KBTBD11: variants seen among roughly 807,000 people sequenced by gnomAD.
KBTBD11 encodes kelch repeat and BTB domain-containing protein 11.
For missense variants in KBTBD11, 1,390 were observed against 1,001.8 expected (o/e 1.39, Z -5.23); for synonymous variants, 747 against 499.0 (o/e 1.50, Z -6.63).
chr8:1,989,036 A>G (rs1816789733), intron 1 of KBTBD11, among the ~76,000 whole-genome samples: 1 of 152,206 alleles, frequency 6.6e-6, no homozygotes, highest in Non-Finnish European at 1.5e-5. Flanking sequence ...AAAAGAGTCA[A>G]GTTGACCCAA....
chr8:1,999,346 C>T (rs1049656564), intron 1 of KBTBD11, among the ~76,000 whole-genome samples: 1 of 152,136 alleles, frequency 6.6e-6, no homozygotes, highest in African/African-American at 2.4e-5. Flanking sequence ...TATCATTTTA[C>T]CCATCTCACT....
In KBTBD11 at chr8:2,006,470, T is replaced by C. The variant is rs561456495; in HGVS notation, c.*3406T>C. 1.2e-4 allele frequency: 20 copies of C among 167,092 alleles called. No individual in the cohort carries two copies. Among genetic ancestry groups the C allele is most frequent in the Admixed American group, 3.9e-4 (6 of 15,314 alleles). 10.4% of individuals were successfully genotyped at this position (167,092 alleles called of 1,614,324 possible). ...CTTTCTGATATTTCCCCTTCTGCAA[T>C]GTTATTGTTCATAAGAAAACACGAG... On this transcript the variant is annotated 3_prime_UTR_variant, in exon 2 of 2. Transcript: ENST00000320248.
At position 2,001,889 on chromosome 8, in the gene KBTBD11, C is replaced by G. The variant is rs761729405; in HGVS notation, c.697C>G (p.Leu233Val). Reference sequence around the variant, plus strand: ...CGACGCCGTGGGGCCGCAGCTGAGCCTGGCCAACTGCTACGAGGTCCTGAG... The same window carrying G: ...CGACGCCGTGGGGCCGCAGCTGAGCGTGGCCAACTGCTACGAGGTCCTGAG... ...ATDAVGPQLS[L>V]ANCYEVLSAA... The change falls in exon 2 of 2, where the codon CTG becomes GTG. Residue 233 changes from leucine to valine, a missense_variant. Coordinates refer to ENST00000320248, the MANE Select transcript of KBTBD11 (RefSeq NM_014867.3). 6 of 1,402,100 alleles carry G rather than the reference C, an allele frequency of 4.3e-6. No individual in the cohort carries two copies. Among genetic ancestry groups the G allele is most frequent in the Non-Finnish European group, 5.6e-6 (6 of 1,068,452 alleles). 86.9% of individuals were successfully genotyped at this position (1,402,100 alleles called of 1,614,324 possible).
At position 2,003,230 on chromosome 8, in the gene KBTBD11, C is replaced by G; in HGVS notation, c.*166C>G. On this transcript the variant is annotated 3_prime_UTR_variant, in exon 2 of 2. Transcript: ENST00000320248. ...CGCTCTCAGGGCCGCTTTCGCTTTG[C>G]TTTCCTTTTGCTTGTCTTTGCTTCT... 8.9e-7 allele frequency: 1 copy of G among 1,124,520 alleles called. No individual in the cohort carries two copies. Among genetic ancestry groups the G allele is most frequent in the Middle Eastern group, 3.4e-4 (1 of 2,956 alleles). The allele number at this position is 1,124,520 out of a possible 1,614,324, so 69.7% of individuals were successfully genotyped here.
At position 2,001,367 on chromosome 8, in the gene KBTBD11, GA is replaced by G. The variant is rs1161647365; in HGVS notation, c.177del (p.Gly60AlafsTer120). 6.8e-7 allele frequency: 1 copy of G among 1,474,840 alleles called. No homozygotes were observed. Among genetic ancestry groups the G allele is most frequent in the Admixed American group, 2.3e-5 (1 of 44,286 alleles). The allele number at this position is 1,474,840 out of a possible 1,614,324, so 91.4% of individuals were successfully genotyped here. A position where few individuals can be genotyped will look rare whatever the true frequency, so the allele number is the denominator to read the frequency against. On this transcript the variant is annotated frameshift_variant, in exon 2 of 2. Coordinates refer to ENST00000320248, the MANE Select transcript of KBTBD11 (RefSeq NM_014867.3). LOFTEE classifies it low-confidence loss of function (END_TRUNC). ...GCCGCAGTCCCTCGCCTCAGCGGCG[GA>G]AGGCGCGGCCACCTCCCCGCCCTCC... ...SPPQSLASAAEGAATSPPSSG... is the reference protein window; with the variant it reads ...SPPQSLASAAXGAATSPPSSG...
chr8:2,003,619 A>C lies in KBTBD11; in HGVS notation c.*555A>C, dbSNP rs1817482823. 1 of 167,056 alleles carries C rather than the reference A, an allele frequency of 6.0e-6. No homozygotes were observed. The highest frequency in any genetic ancestry group is 2.4e-5 in the African/African-American group (1 of 41,454). 10.3% of individuals were successfully genotyped at this position (167,056 alleles called of 1,614,324 possible). A position where few individuals can be genotyped will look rare whatever the true frequency, so the allele number is the denominator to read the frequency against. On this transcript the variant is annotated 3_prime_UTR_variant, in exon 2 of 2. Coordinates refer to ENST00000320248, the MANE Select transcript of KBTBD11 (RefSeq NM_014867.3). ...CAACTCCAAAAAGAGTAATTTAATA[A>C]GCATTAAAGGTAAAATCTTTGATTA...
At chr8:1,973,999 C>CGCGGGTCGGAGGGGGCG in intron 1 of KBTBD11, 64 bp downstream of exon 1, 1 of 705,780 alleles carries the variant, frequency 1.4e-6, no homozygotes, top group African/African-American at 2.1e-5. Context: ...CAGCCCGAGG[C>CGCGGGTCGGAGGGGGCG]GCGGGTCGGA....
Position 2,006,419 on chromosome 8 carries a change from C to A in KBTBD11, c.*3355C>A, listed in dbSNP as rs1485395882. On this transcript the variant is annotated 3_prime_UTR_variant, in exon 2 of 2. Coordinates refer to ENST00000320248, the MANE Select transcript of KBTBD11 (RefSeq NM_014867.3). Reference sequence around the variant, plus strand: ...ATGCTTTCCTAGCTTACAAAAAGTTCTGTTTTTGGGTTAAAAATCAATCAA... The same window carrying A: ...ATGCTTTCCTAGCTTACAAAAAGTTATGTTTTTGGGTTAAAAATCAATCAA... 6.0e-6 allele frequency: 1 copy of A among 166,914 alleles called. No homozygotes were observed. The highest frequency in any genetic ancestry group is 2.4e-5 in the African/African-American group (1 of 41,462). 10.3% of individuals were successfully genotyped at this position (166,914 alleles called of 1,614,324 possible). A position where few individuals can be genotyped will look rare whatever the true frequency, so the allele number is the denominator to read the frequency against.
At chr8:1,977,082 GT>G (rs35601452) in intron 1 of KBTBD11, among the ~76,000 whole-genome samples, 14,957 of 145,282 alleles carry the variant, frequency 0.1, 1,082 homozygotes, top group African/African-American at 0.21. Context: ...AACATTATGA[GT>G]TTTTTTTTTT....
At chr8:1,981,839 A>T (rs907762630) in intron 1 of KBTBD11, among the ~76,000 whole-genome samples, 1 of 152,068 alleles carries the variant, frequency 6.6e-6, no homozygotes. Context: ...GGACTGAGTT[A>T]TTCTATTCGC....
chr8:1,973,799 A>C lies in KBTBD11; in HGVS notation c.-1045A>C, dbSNP rs1333742008. On this transcript the variant is annotated 5_prime_UTR_variant, in exon 1 of 2. Transcript: ENST00000320248. ...ACGCCCCGCTGCGGGTCGGAGGAGC[A>C]GCTCCCGCTCGCAGGTGCTCGGAGA... is the stretch of plus-strand genomic sequence containing the variant. The C allele has an allele frequency of 2.0e-6, 2 of 983,290 alleles. No homozygotes were observed. The highest frequency in any genetic ancestry group is 1.0e-3 in the Middle Eastern group (2 of 1,910). 60.9% of individuals were successfully genotyped at this position (983,290 alleles called of 1,614,324 possible). A position where few individuals can be genotyped will look rare whatever the true frequency, so the allele number is the denominator to read the frequency against.
intron 1 of KBTBD11, chr8:1,974,553 G>C (rs905583732): frequency 1.0e-6 from 1 of 985,092 alleles, no homozygotes; most frequent in African/African-American, 1.7e-5. Flanking sequence ...TGCGCCCGGG[G>C]TGCGGGGGTG....
intron 1 of KBTBD11, among the ~76,000 whole-genome samples, chr8:1,993,754 A>G (rs1817022895): frequency 6.6e-6 from 1 of 151,978 alleles, no homozygotes; most frequent in African/African-American, 2.4e-5. Flanking sequence ...CACAGACTGT[A>G]GAGCAACTAA....
chr8:1,995,519 G>C (rs1817104734), intron 1 of KBTBD11, among the ~76,000 whole-genome samples: 2 of 152,128 alleles, frequency 1.3e-5, no homozygotes, highest in South Asian at 4.1e-4. Context: ...AAAGCATACT[G>C]AGAAAATGTG....
rs1006892286 is a variant in KBTBD11 at position 2,003,980 on chromosome 8, A to G, written c.*916A>G. 6.0e-6 allele frequency: 1 copy of G among 166,826 alleles called. No individual in the cohort carries two copies. The highest frequency in any genetic ancestry group is 1.5e-5 in the Non-Finnish European group (1 of 68,120). The allele number at this position is 166,826 out of a possible 1,614,324, so 10.3% of individuals were successfully genotyped here. A position where few individuals can be genotyped will look rare whatever the true frequency, so the allele number is the denominator to read the frequency against. On this transcript the variant is annotated 3_prime_UTR_variant, in exon 2 of 2. Coordinates refer to ENST00000320248, the MANE Select transcript of KBTBD11 (RefSeq NM_014867.3). The stretch of plus-strand genomic sequence containing the variant: ...TAAAATATTCCTAAAAAGCGGGGAA[A>G]ATCATTTTGCTTTGACAGTTCTATA...
chr8:1,985,542 A>G lies in KBTBD11; in HGVS notation c.-909+11607A>G, dbSNP rs1459719381. 2.0e-5 allele frequency among the ~76,000 whole-genome samples: 3 copies of G among 152,260 alleles called. No individual in the cohort carries two copies. The East Asian group carries it at 5.8e-4, about 29-fold the overall frequency. ...CCAGCCTGGGTGCCATGTGGCGTTT[A>G]CCAAGGTGGGATCCTTGTTTTCCTA... On this transcript the variant is annotated intron_variant, in intron 1 of 1. Transcript: ENST00000320248.
At chr8:1,992,961 A>G (rs1168009323) in intron 1 of KBTBD11, among the ~76,000 whole-genome samples, 1 of 151,998 alleles carries the variant, frequency 6.6e-6, no homozygotes, top group Admixed American at 6.6e-5. Context: ...TTTTTGAGAC[A>G]TGGTCTGATT....
intron 1 of KBTBD11, among the ~76,000 whole-genome samples, chr8:1,981,109 C>G (rs1316295095): frequency 1.3e-5 from 2 of 152,142 alleles, no homozygotes; most frequent in South Asian, 2.1e-4. Context: ...AGAAACCTAA[C>G]AGGCCAAGAG....
At chr8:1,979,876 G>C (rs1202073353) in intron 1 of KBTBD11, among the ~76,000 whole-genome samples, 2 of 152,336 alleles carry the variant, frequency 1.3e-5, no homozygotes, top group East Asian at 1.9e-4. Flanking sequence ...CACCCTCTGG[G>C]CTCTTGGATC....
Sources: allele counts gnomAD v4.1 joint callset (sites outside exome capture counted in the v4.1 genomes callset), GRCh38; gene constraint gnomAD v4.1.1; transcripts MANE v1.5; gene names NCBI Gene and HGNC (gene_info 2026-07-23, HGNC 2026-07-21).